The following LRP1B variants were observed in gnomAD, a reference collection of about 807,000 sequenced individuals.
The protein encoded by LRP1B is low-density lipoprotein receptor-related protein 1B.
Under a neutral mutation model 556.6 loss-of-function variants are expected in LRP1B, and 217 were observed. The ratio of observed to expected loss-of-function variants is 0.39; its 90% CI spans 0.35 to 0.44. The LOEUF (loss-of-function observed/expected upper bound fraction) is 0.44, where lower values mean the gene tolerates loss of function less well. Among genes scored for constraint, LRP1B ranks in the 20% least tolerant of loss-of-function variants. LRP1B has a pLI of 1.00. For synonymous variants in LRP1B, 2,047 were observed against 1,865.8 expected (o/e 1.10, Z -2.50); for missense variants, 5,053 against 5,620.8 (o/e 0.90, Z 3.23).
chr2:141,615,692 C>T (rs1055572161), intron 2 of LRP1B, among the ~76,000 whole-genome samples: 4 of 152,020 alleles, frequency 2.6e-5, no homozygotes, highest in African/African-American at 9.7e-5. Flanking sequence ...AGTTATGGTA[C>T]TTGAAACAGA....
intron 35 of LRP1B, among the ~76,000 whole-genome samples, chr2:140,747,688 G>A (rs567375442): frequency 2.0e-5 from 3 of 152,156 alleles, no homozygotes; most frequent in South Asian, 4.1e-4. Flanking sequence ...GGTTGGAATA[G>A]GTAAGGTCTT....
chr2:140,771,441 G>A (rs575473555), intron 33 of LRP1B, among the ~76,000 whole-genome samples: 4 of 152,134 alleles, frequency 2.6e-5, no homozygotes, highest in Non-Finnish European at 4.4e-5. Context: ...AAGATTATGC[G>A]TCTAAAAGAA....
intron 22 of LRP1B, among the ~76,000 whole-genome samples, chr2:140,907,383 T>C (rs994827692): frequency 2.6e-5 from 4 of 152,124 alleles, no homozygotes; most frequent in Admixed American, 1.3e-4. Flanking sequence ...GTATGAGGAC[T>C]AAAAATTTGA....
intron 43 of LRP1B, 66 bp downstream of exon 43, chr2:140,598,565 A>G (rs2105187779): frequency 1.6e-6 from 2 of 1,235,506 alleles, no homozygotes; most frequent in Non-Finnish European, 2.3e-6. Flanking sequence ...TTAGGAGAGT[A>G]TAAATCACAT....
chr2:140,268,008 T>G (rs982780578), intron 86 of LRP1B, among the ~76,000 whole-genome samples: 2 of 151,890 alleles, frequency 1.3e-5, no homozygotes, highest in African/African-American at 2.4e-5. Context: ...ACAGGTACAT[T>G]CTCTGCACAG....
At chr2:141,919,380 A>G (rs977871263) in intron 1 of LRP1B, among the ~76,000 whole-genome samples, 1 of 152,062 alleles carries the variant, frequency 6.6e-6, no homozygotes, top group Non-Finnish European at 1.5e-5. Context: ...TATGAATGCT[A>G]CATTTCCTGC....
intron 2 of LRP1B, among the ~76,000 whole-genome samples, chr2:141,777,291 T>C (rs1049689742): frequency 5.3e-5 from 8 of 152,130 alleles, no homozygotes; most frequent in African/African-American, 1.7e-4. Context: ...AAATAGCAGA[T>C]AGAGAAGCTA....
intron 17 of LRP1B, among the ~76,000 whole-genome samples, chr2:140,984,005 T>A (rs1398175662): frequency 2.0e-5 from 3 of 151,920 alleles, no homozygotes; most frequent in African/African-American, 7.2e-5. Context: ...CGAAAATGAA[T>A]AAAGTTCTTA....
At chr2:140,306,558 G>A (rs556165257) in intron 83 of LRP1B, among the ~76,000 whole-genome samples, 1 of 151,206 alleles carries the variant, frequency 6.6e-6, no homozygotes, top group South Asian at 2.1e-4. Context: ...ATCTTTATTA[G>A]TCTTGCTAGC....
intron 1 of LRP1B, among the ~76,000 whole-genome samples, chr2:141,986,637 G>T (rs1377054701): frequency 2.0e-5 from 3 of 151,804 alleles, no homozygotes. Flanking sequence ...TGTTTCCTCT[G>T]CCTTGTTAGA....
chr2:140,533,888 A>C, intron 47 of LRP1B, 133 bp downstream of exon 47: 2 of 883,386 alleles, frequency 2.3e-6, no homozygotes, highest in Non-Finnish European at 3.4e-6. Context: ...CCATTCCAAC[A>C]GCATTTACCA....
At chr2:141,029,466 T>A (rs1261804931) in intron 11 of LRP1B, among the ~76,000 whole-genome samples, 3 of 152,260 alleles carry the variant, frequency 2.0e-5, no homozygotes, top group African/African-American at 7.2e-5. Context: ...GCTACTCACA[T>A]AGGCAGCTAA....
chr2:141,497,987 C>T (rs557186641), intron 2 of LRP1B, among the ~76,000 whole-genome samples: 142 of 150,818 alleles, frequency 9.4e-4, no homozygotes, highest in Admixed American at 6.9e-3. Context: ...TAAAACTTAA[C>T]GTTAGTATCT....
At chr2:141,462,549 G>A (rs1681918541) in intron 3 of LRP1B, among the ~76,000 whole-genome samples, 1 of 151,986 alleles carries the variant, frequency 6.6e-6, no homozygotes, top group African/African-American at 2.4e-5. Flanking sequence ...TGCATAAAGA[G>A]CTTAAAACCT....
At chr2:140,454,441 G>A (rs894301183) in intron 62 of LRP1B, among the ~76,000 whole-genome samples, 6 of 152,040 alleles carry the variant, frequency 3.9e-5, no homozygotes, top group Non-Finnish European at 1.5e-5. Context: ...GTGAGCTACC[G>A]GGCCTGGGCA....
At chr2:141,743,486 C>CTTTTTTTTT (rs765968445) in intron 2 of LRP1B, among the ~76,000 whole-genome samples, 39 of 108,016 alleles carry the variant, frequency 3.6e-4, no homozygotes, top group African/African-American at 4.7e-4. Flanking sequence ...CTGCTTTTTT[C>CTTTTTTTTT]TTTTTTTTTT....
intron 3 of LRP1B, among the ~76,000 whole-genome samples, chr2:141,417,474 T>C (rs1679942999): frequency 6.6e-6 from 1 of 152,194 alleles, no homozygotes; most frequent in South Asian, 2.1e-4. Flanking sequence ...AGTAGAATCA[T>C]GCAAAAATTT....
At chr2:140,666,497 G>A (rs1685281131) in intron 41 of LRP1B, among the ~76,000 whole-genome samples, 1 of 152,002 alleles carries the variant, frequency 6.6e-6, no homozygotes, top group Non-Finnish European at 1.5e-5. Flanking sequence ...ACATACAAGT[G>A]AGAATGTCAC....
chr2:142,088,343 A>G (rs72849895), intron 1 of LRP1B, among the ~76,000 whole-genome samples: 1 of 152,282 alleles, frequency 6.6e-6, no homozygotes, highest in Non-Finnish European at 1.5e-5. Context: ...TAATCTGAAC[A>G]CTATTAGTTG....
Sources: allele counts gnomAD v4.1 joint callset (sites outside exome capture counted in the v4.1 genomes callset), GRCh38; gene constraint gnomAD v4.1.1; transcripts MANE v1.5; gene names NCBI Gene and HGNC (gene_info 2026-07-23, HGNC 2026-07-21).